MEGF10: variants seen among roughly 807,000 people sequenced by gnomAD.
MEGF10 encodes multiple EGF like domains 10.
In MEGF10, 86 loss-of-function variants were observed where a neutral mutation model predicts 147.5. The observed-to-expected ratio is 0.58, with a 90% confidence interval of 0.49 to 0.70. The LOEUF is 0.70. MEGF10 is among the 30% of genes least tolerant of loss of function. The probability of loss-of-function intolerance (pLI) is 0.00; values close to 1 mark genes in which losing one functional copy is unlikely to be tolerated. For synonymous variants in MEGF10, 478 were observed against 525.5 expected (o/e 0.91, Z 1.24); for missense variants, 1,329 against 1,487.3 (o/e 0.89, Z 1.75).
intron 1 of MEGF10, among the ~76,000 whole-genome samples, chr5:127,319,601 A>C (rs1451009247): frequency 6.6e-6 from 1 of 152,176 alleles, no homozygotes; most frequent in Non-Finnish European, 1.5e-5. Flanking sequence ...GGCCATTGGC[A>C]AAACTTCTAC....
rs949934567 is a variant in MEGF10 at position 127,396,905 on chromosome 5, C to A, written c.659+127C>A. Reference sequence around the variant, plus strand: ...CTGAAGAGTTACTGATGGGTCTAGGCTGCAGGCACAGTTATAGAGGTCAGC... The same window carrying A: ...CTGAAGAGTTACTGATGGGTCTAGGATGCAGGCACAGTTATAGAGGTCAGC... On this transcript the variant is annotated intron_variant, in intron 6 of 24. Coordinates refer to ENST00000503335, the MANE Select transcript of MEGF10 (RefSeq NM_001256545.2). 24 of 1,373,120 alleles carry A rather than the reference C, an allele frequency of 1.7e-5. No individual in the cohort carries two copies. In the African/African-American group the frequency reaches 2.9e-4, roughly 17 times the overall value. 85.1% of individuals were successfully genotyped at this position (1,373,120 alleles called of 1,614,324 possible).
chr5:127,386,459 C>G (rs927738949), intron 5 of MEGF10, among the ~76,000 whole-genome samples: 1 of 152,080 alleles, frequency 6.6e-6, no homozygotes, highest in South Asian at 2.1e-4. Context: ...TTCATATTTC[C>G]GGACCCCATA....
chr5:127,379,299 T>C (rs972067863), intron 5 of MEGF10, among the ~76,000 whole-genome samples: 2 of 152,134 alleles, frequency 1.3e-5, no homozygotes, highest in African/African-American at 4.8e-5. Flanking sequence ...GAGACTAGCG[T>C]GATCTTGTAA....
At chr5:127,317,148 G>T (rs1438430350) in intron 1 of MEGF10, among the ~76,000 whole-genome samples, 1 of 152,144 alleles carries the variant, frequency 6.6e-6, no homozygotes, top group Non-Finnish European at 1.5e-5. Context: ...GCTCTCAAAA[G>T]CTTTTAAGAA....
At chr5:127,229,591 G>GGCT in the MEGF10 span, 1 of 152,778 alleles carries the variant, frequency 6.5e-6, no homozygotes, top group South Asian at 2.1e-4. Flanking sequence ...GGGGTGCGGA[G>GGCT]GCTGCTCGAG....
Position 127,449,238 on chromosome 5 carries a change from G to A in MEGF10, c.2980+16G>A, listed in dbSNP as rs374003413. 2.0e-4 allele frequency: 326 copies of A among 1,612,612 alleles called. 1 individual carries two copies. Among genetic ancestry groups the A allele is most frequent in the Non-Finnish European group, 2.6e-4 (308 of 1,179,640 alleles). ...AACGAGCTCGGTGAGTTCTCCCAAC[G>A]CACGTCCCCAGAAGCACCTTGACCT... On this transcript the variant is annotated intron_variant, in intron 22 of 24. Coordinates refer to ENST00000503335, the MANE Select transcript of MEGF10 (RefSeq NM_001256545.2).
At chr5:127,404,808 C>T (rs148636308) in intron 8 of MEGF10, among the ~76,000 whole-genome samples, 1,599 of 152,044 alleles carry the variant, frequency 0.011, 32 homozygotes, top group African/African-American at 0.037. Context: ...TTCCATCTCC[C>T]AGGTTCAAGC....
chr5:127,265,179 G>A, the MEGF10 span, among the ~76,000 whole-genome samples: 3 of 152,046 alleles, frequency 2.0e-5, no homozygotes, highest in Admixed American at 2.0e-4. Flanking sequence ...TTGGTTTTTT[G>A]TTCTTGAGAT....
the MEGF10 span, among the ~76,000 whole-genome samples, chr5:127,240,004 A>C: frequency 6.6e-6 from 1 of 152,170 alleles, no homozygotes; most frequent in Non-Finnish European, 1.5e-5. Context: ...TTTAAAATGC[A>C]AAACTGATCA....
chr5:127,294,505 A>G (rs1157467210), intron 1 of MEGF10, among the ~76,000 whole-genome samples: 2 of 152,166 alleles, frequency 1.3e-5, no homozygotes, highest in Non-Finnish European at 2.9e-5. Flanking sequence ...GGAAGTTAAT[A>G]ACTTCAAGTG....
chr5:127,229,660 A>G, the MEGF10 span: 1 of 152,456 alleles, frequency 6.6e-6, no homozygotes, highest in Non-Finnish European at 1.5e-5. Flanking sequence ...AACCCGGGCA[A>G]GCTACCTATG....
At chr5:127,365,278 T>C (rs921571356) in intron 4 of MEGF10, among the ~76,000 whole-genome samples, 1 of 152,208 alleles carries the variant, frequency 6.6e-6, no homozygotes, top group Non-Finnish European at 1.5e-5. Context: ...TTTAGAGATA[T>C]AATTGATTTA....
At chr5:127,379,189 A>G (rs758048633) in intron 5 of MEGF10, among the ~76,000 whole-genome samples, 1 of 151,560 alleles carries the variant, frequency 6.6e-6, no homozygotes, top group Non-Finnish European at 1.5e-5. Flanking sequence ...ACTCCAGTCC[A>G]TGCCACGTTC....
At chr5:127,355,499 T>C (rs907145369) in intron 4 of MEGF10, among the ~76,000 whole-genome samples, 1 of 152,140 alleles carries the variant, frequency 6.6e-6, no homozygotes, top group African/African-American at 2.4e-5. Context: ...CCTGTTTCCA[T>C]AGGGACCCTG....
chr5:127,436,307 T>C (rs6874752), intron 16 of MEGF10, among the ~76,000 whole-genome samples: 18,607 of 152,254 alleles, frequency 0.12, 1,305 homozygotes, highest in South Asian at 0.2. Flanking sequence ...TACTAATTGA[T>C]GAGCAATATA....
intron 1 of MEGF10, among the ~76,000 whole-genome samples, chr5:127,297,981 TAAG>T (rs1044399936): frequency 3.9e-5 from 6 of 152,146 alleles, no homozygotes; most frequent in Non-Finnish European, 8.8e-5. Context: ...TATTTTCCCT[TAAG>T]AAGTTTAAAA....
the MEGF10 span, among the ~76,000 whole-genome samples, chr5:127,244,510 A>C: frequency 6.6e-6 from 1 of 152,170 alleles, no homozygotes; most frequent in Non-Finnish European, 1.5e-5. Flanking sequence ...CTTCACATAG[A>C]GAAAGCTTAC....
At chr5:127,382,522 G>GA (rs1763298465) in intron 5 of MEGF10, among the ~76,000 whole-genome samples, 3 of 152,166 alleles carry the variant, frequency 2.0e-5, no homozygotes, top group South Asian at 4.1e-4. Flanking sequence ...GCCATTTTAA[G>GA]AAAAAAGAAA....
chr5:127,247,606 C>G, the MEGF10 span, among the ~76,000 whole-genome samples: 1 of 151,984 alleles, frequency 6.6e-6, no homozygotes, highest in East Asian at 1.9e-4. Context: ...TACCCTCACA[C>G]TACAATGAAA....
Sources: gnomAD v4.1 joint callset for allele counts (sites outside exome capture counted in the v4.1 genomes callset) on GRCh38, gnomAD v4.1.1 for gene constraint, MANE v1.5 for transcripts, NCBI Gene and HGNC (gene_info 2026-07-23, HGNC 2026-07-21) for gene names.